Variants in NGLY1 observed in about 807,000 individuals in gnomAD.
The protein encoded by NGLY1 is N-glycanase 1.
Under a neutral mutation model 84.6 loss-of-function variants are expected in NGLY1, and 68 were observed. The observed-to-expected ratio is 0.80, with a 90% CI of 0.66 to 0.98. NGLY1 has a LOEUF of 0.98. NGLY1 is among the 50% of genes least tolerant of loss of function. NGLY1 has a pLI of 0.00. For missense variants in NGLY1, 779 were observed against 770.2 expected, an observed-to-expected ratio of 1.01 and a Z score of -0.14; for synonymous variants, 280 against 275.2, an observed-to-expected ratio of 1.02 and a Z score of -0.17.
intron 2 of NGLY1, among the ~76,000 whole-genome samples, chr3:25,765,735 T>C (rs1157097115): frequency 2.0e-5 from 3 of 152,166 alleles, no homozygotes; most frequent in Non-Finnish European, 2.9e-5. Context: ...CTAAGTACTG[T>C]GCTAGGCATT....
chr3:25,725,430 CTA>C (rs1228361973), intron 10 of NGLY1, among the ~76,000 whole-genome samples: 1 of 152,172 alleles, frequency 6.6e-6, no homozygotes, highest in African/African-American at 2.4e-5. Flanking sequence ...TCCCTGAGTT[CTA>C]TGAGTCACTC....
At chr3:25,759,504 T>C (rs1325977204) in intron 3 of NGLY1, among the ~76,000 whole-genome samples, 1 of 152,206 alleles carries the variant, frequency 6.6e-6, no homozygotes, top group Non-Finnish European at 1.5e-5. Context: ...CCTCATTCAT[T>C]GTAGTTTTAA....
intron 3 of NGLY1, among the ~76,000 whole-genome samples, chr3:25,751,619 G>A (rs1323985922): frequency 2.0e-5 from 3 of 152,160 alleles, no homozygotes; most frequent in East Asian, 1.9e-4. Flanking sequence ...AGCAAAAGAG[G>A]TGTGCTCTTA....
intron 4 of NGLY1, among the ~76,000 whole-genome samples, chr3:25,747,911 C>T (rs544226567): frequency 6.2e-4 from 95 of 152,318 alleles, no homozygotes; most frequent in Non-Finnish European, 1.1e-3. Context: ...GGTCCCCACA[C>T]TTCTGTGCAT....
intron 2 of NGLY1, among the ~76,000 whole-genome samples, chr3:25,771,617 T>C (rs1707894990): frequency 2.0e-5 from 3 of 152,180 alleles, no homozygotes; most frequent in African/African-American, 7.2e-5. Flanking sequence ...AGATTGCTTT[T>C]GGTAGTATGG....
intron 3 of NGLY1, among the ~76,000 whole-genome samples, chr3:25,754,414 A>G (rs577871441): frequency 1.3e-5 from 2 of 152,308 alleles, no homozygotes; most frequent in Admixed American, 6.5e-5. Context: ...GATCAGAGAG[A>G]TCAGTGTTTA....
intron 1 of NGLY1, chr3:25,782,898 T>C (rs1708482634): frequency 4.4e-6 from 1 of 225,160 alleles, no homozygotes; most frequent in Non-Finnish European, 9.0e-6. Flanking sequence ...GTTACCGTTG[T>C]GTCCCGATAT....
At chr3:25,754,902 C>T (rs1165527423) in intron 3 of NGLY1, 9 of 692,298 alleles carry the variant, frequency 1.3e-5, no homozygotes, top group South Asian at 6.7e-5. Flanking sequence ...GCTCTCTCTC[C>T]GGATAACGAG....
intron 2 of NGLY1, among the ~76,000 whole-genome samples, chr3:25,766,348 T>C (rs981070730): frequency 6.6e-6 from 1 of 152,196 alleles, no homozygotes; most frequent in African/African-American, 2.4e-5. Context: ...ATTATAGGCG[T>C]GAGCCACCAT....
At chr3:25,778,808 C>T (rs1708268410) in intron 1 of NGLY1, 120 bp from the exon 2 acceptor site, 2 of 473,958 alleles carry the variant, frequency 4.2e-6, no homozygotes, top group East Asian at 6.6e-5. Context: ...TTTCTTTCTT[C>T]CCTAAACCAA....
chr3:25,750,932 T>C (rs1337061035), intron 4 of NGLY1, among the ~76,000 whole-genome samples, 166 bp downstream of exon 4: 2 of 152,194 alleles, frequency 1.3e-5, no homozygotes, highest in African/African-American at 4.8e-5. Context: ...CCTCCGTATA[T>C]GGGTTTTGCA....
At chr3:25,771,960 A>G (rs1707916905) in intron 2 of NGLY1, among the ~76,000 whole-genome samples, 1 of 152,134 alleles carries the variant, frequency 6.6e-6, no homozygotes, top group African/African-American at 2.4e-5. Flanking sequence ...CAGGTATATG[A>G]TCATATCATC....
chr3:25,754,598 T>TG (rs1016527020), intron 3 of NGLY1, among the ~76,000 whole-genome samples: 1 of 151,672 alleles, frequency 6.6e-6, no homozygotes, highest in Non-Finnish European at 1.5e-5. Context: ...GAAGACCCCA[T>TG]GGGGGACTAC....
Position 25,734,885 on chromosome 3 carries a change from A to T in NGLY1, c.1150-903T>A, listed in dbSNP as rs1218608240. 3.4e-6 allele frequency: 3 copies of T among 877,304 alleles called. No homozygotes were observed. In the African/African-American group the frequency reaches 5.3e-5, roughly 16 times the overall value. The allele number at this position is 877,304 out of a possible 1,614,324, so 54.3% of individuals were successfully genotyped here. A position where few individuals can be genotyped will look rare whatever the true frequency, so the allele number is the denominator to read the frequency against. On this transcript the variant is annotated intron_variant, in intron 7 of 11. Transcript: ENST00000280700. ...TTATCTGCAAAGCTGATTCCACAAA[A>T]TTCAACAAATAAAAATTTTATCCAT...
chr3:25,753,403 A>C (rs539924775), intron 3 of NGLY1, among the ~76,000 whole-genome samples: 1 of 100,726 alleles, frequency 9.9e-6, no homozygotes, highest in Non-Finnish European at 2.6e-5. Flanking sequence ...AATTATTAGG[A>C]AAGTTATTAT....
chr3:25,726,436 G>A (rs561099363), intron 10 of NGLY1, among the ~76,000 whole-genome samples: 45 of 152,274 alleles, frequency 3.0e-4, no homozygotes, highest in African/African-American at 1.0e-3. Flanking sequence ...TGAAAGAGAG[G>A]TATATGGTAC....
rs755940005 is a variant in NGLY1 at position 25,732,477 on chromosome 3, G to A, written c.1267C>T (p.Leu423=). ...TINGLNKQRQ[L]FLSENRRKEL... is the part of the protein sequence containing the mutation. ...TTCCTTCTGTTTTCTGACAAAAACA[G>A]TTGCCTCTGTAATTCATGTTTTTTA... Residue 423 remains leucine (L), a synonymous_variant, in exon 9 of 12, where the codon CTG becomes TTG. Transcript: ENST00000280700. 5 of 1,612,182 alleles carry A rather than the reference G, an allele frequency of 3.1e-6. No individual in the cohort carries two copies. The highest frequency in any genetic ancestry group is 8.5e-7 in the Non-Finnish European group (1 of 1,179,094).
intron 7 of NGLY1, chr3:25,734,257 T>TG (rs1410632198): frequency 4.1e-6 from 1 of 241,460 alleles, no homozygotes; most frequent in Non-Finnish European, 8.1e-6. Flanking sequence ...TAAGTAGAGA[T>TG]GGGGTTTCAC....
chr3:25,740,206 T>C (rs1023625827), intron 4 of NGLY1, among the ~76,000 whole-genome samples: 1 of 152,154 alleles, frequency 6.6e-6, no homozygotes, highest in Non-Finnish European at 1.5e-5. Flanking sequence ...CAAGTAAACA[T>C]GAAACAATCA....
Sources: allele counts gnomAD v4.1 joint callset (sites outside exome capture counted in the v4.1 genomes callset), GRCh38; gene constraint gnomAD v4.1.1; transcripts MANE v1.5; gene names NCBI Gene and HGNC (gene_info 2026-07-23, HGNC 2026-07-21).